The following ANO3 variants were observed in gnomAD, a reference collection of about 807,000 sequenced individuals.
ANO3 encodes the protein anoctamin 3, also known as anoctamin-3.
ANO3 carries 99 observed loss-of-function variants against 144.8 expected under a neutral mutation model. That is an observed-to-expected ratio of 0.68 (90% CI 0.58 to 0.81). ANO3 has a LOEUF of 0.81. Ranked by LOEUF, ANO3 falls within the 30% of genes least tolerant of loss-of-function variation. ANO3 has a pLI of 0.00. For missense variants in ANO3, 905 were observed against 1,202.2 expected (o/e 0.75, Z 3.66); for synonymous variants, 414 against 392.6 (o/e 1.05, Z -0.64).
At chr11:26,274,964 T>G (rs1853525517) in intron 1 of ANO3, among the ~76,000 whole-genome samples, 1 of 151,888 alleles carries the variant, frequency 6.6e-6, no homozygotes, top group South Asian at 2.1e-4. Flanking sequence ...TATATATTAA[T>G]TTTTTATTTA....
intron 1 of ANO3, among the ~76,000 whole-genome samples, chr11:26,397,123 T>C (rs979370015): frequency 1.3e-5 from 2 of 152,052 alleles, no homozygotes; most frequent in Non-Finnish European, 2.9e-5. Flanking sequence ...TTGTCATCAG[T>C]TACACATGAA....
At chr11:26,545,597 C>T (rs1016291556) in intron 11 of ANO3, among the ~76,000 whole-genome samples, 1 of 151,706 alleles carries the variant, frequency 6.6e-6, no homozygotes, top group African/African-American at 2.4e-5. Flanking sequence ...AAAACAATGT[C>T]ACTGAAGGAA....
upstream of ANO3, among the ~76,000 whole-genome samples, chr11:26,308,736 T>A (rs1854440014): frequency 6.6e-6 from 1 of 152,276 alleles, no homozygotes; most frequent in East Asian, 1.9e-4. Context: ...GTTAAGGAAC[T>A]GATTGTCTAA....
chr11:26,442,076 T>C lies in ANO3; in HGVS notation c.205T>C (p.Ser69Pro). The C allele has an allele frequency of 6.2e-7, 1 of 1,614,086 alleles. No individual in the cohort carries two copies. The highest frequency in any genetic ancestry group is 1.1e-5 in the South Asian group (1 of 91,076). Residue 69 changes from serine to proline, a missense_variant, in exon 2 of 27, where the codon TCT becomes CCT. By Grantham distance (74) the Ser-to-Pro change is moderately conservative. This residue lies in a region of ANO3 where 174 missense variants were observed against 171.9 expected (regional missense o/e 1.01). Coordinates refer to ENST00000256737, the MANE Select transcript of ANO3 (RefSeq NM_031418.4). ...CGAGAGTGAATCTCAGGCTCCCACA[T>C]CTATAACCTTAATCTCCACTGACAA... ...STESESQAPTSITLISTDKAE... is the reference protein window; with the variant it reads ...STESESQAPTPITLISTDKAE...
chr11:26,190,943 G>A (rs117244157), intron 1 of ANO3, among the ~76,000 whole-genome samples: 2,759 of 152,100 alleles, frequency 0.018, 40 homozygotes, highest in Middle Eastern at 0.044. Flanking sequence ...TATTGCAGTC[G>A]CATTTATGTG....
intron 1 of ANO3, among the ~76,000 whole-genome samples, chr11:26,366,353 C>T (rs1289735541): frequency 6.6e-6 from 1 of 152,116 alleles, no homozygotes; most frequent in Non-Finnish European, 1.5e-5. Flanking sequence ...CATAGTATTC[C>T]ATGGTGTATA....
intron 1 of ANO3, among the ~76,000 whole-genome samples, chr11:26,435,762 C>A (rs1858272845): frequency 6.6e-6 from 1 of 152,026 alleles, no homozygotes; most frequent in African/African-American, 2.4e-5. Flanking sequence ...CTTTTTTACA[C>A]CAGCTCTTTC....
chr11:26,594,037 A>C (rs1851533652), intron 14 of ANO3, among the ~76,000 whole-genome samples: 1 of 152,164 alleles, frequency 6.6e-6, no homozygotes, highest in Non-Finnish European at 1.5e-5. Context: ...CCTGGCCGTC[A>C]ATAGAGTCAG....
At chr11:26,234,744 A>G (rs1362602564) in intron 1 of ANO3, among the ~76,000 whole-genome samples, 1 of 152,118 alleles carries the variant, frequency 6.6e-6, no homozygotes, top group Non-Finnish European at 1.5e-5. Context: ...TGTTCCTTAT[A>G]TTAATCTGGG....
chr11:26,414,288 C>T (rs907265504), intron 1 of ANO3, among the ~76,000 whole-genome samples: 3 of 152,032 alleles, frequency 2.0e-5, no homozygotes, highest in Non-Finnish European at 2.9e-5. Context: ...GACACATGCA[C>T]ACGTATGTTT....
At chr11:26,305,345 C>T (rs932257980), upstream of ANO3, among the ~76,000 whole-genome samples, 4 of 152,084 alleles carry the variant, frequency 2.6e-5, no homozygotes, top group South Asian at 2.1e-4. Flanking sequence ...CAACTTCTGA[C>T]ATTGGCTGGC....
At chr11:26,531,480 T>A in intron 8 of ANO3, 144 bp downstream of exon 8, 1 of 911,706 alleles carries the variant, frequency 1.1e-6, no homozygotes, top group Non-Finnish European at 1.6e-6. Flanking sequence ...ACTTAACTTA[T>A]AAACAACACT....
At chr11:26,488,344 A>T (rs946656294) in intron 4 of ANO3, among the ~76,000 whole-genome samples, 1 of 152,152 alleles carries the variant, frequency 6.6e-6, no homozygotes, top group Non-Finnish European at 1.5e-5. Flanking sequence ...TAATCCCAAG[A>T]CCATGGGGAA....
chr11:26,640,673 G>A (rs548353705), intron 21 of ANO3, among the ~76,000 whole-genome samples: 1 of 152,136 alleles, frequency 6.6e-6, no homozygotes, highest in East Asian at 1.9e-4. Context: ...TTTCATTATG[G>A]CCTTGCGCTA....
chr11:26,484,438 G>T (rs1040348230), intron 4 of ANO3, among the ~76,000 whole-genome samples: 1 of 152,164 alleles, frequency 6.6e-6, no homozygotes, highest in African/African-American at 2.4e-5. Flanking sequence ...AGTCATGGCA[G>T]CTTCCATGTG....
At chr11:26,212,104 T>G (rs539474366) in intron 1 of ANO3, among the ~76,000 whole-genome samples, 1 of 152,076 alleles carries the variant, frequency 6.6e-6, no homozygotes, top group African/African-American at 2.4e-5. Flanking sequence ...AAATACCTAA[T>G]GTAGGTGACA....
intron 6 of ANO3, among the ~76,000 whole-genome samples, chr11:26,524,844 C>G (rs985422987): frequency 6.6e-6 from 1 of 152,146 alleles, no homozygotes; most frequent in Non-Finnish European, 1.5e-5. Context: ...TATACTCCAG[C>G]TATTACCAAG....
intron 1 of ANO3, among the ~76,000 whole-genome samples, chr11:26,337,610 A>G (rs570093426): frequency 6.6e-6 from 1 of 152,194 alleles, no homozygotes; most frequent in Non-Finnish European, 1.5e-5. Flanking sequence ...TCCAAGAAAA[A>G]TTCAACCTTC....
intron 1 of ANO3, among the ~76,000 whole-genome samples, chr11:26,304,044 A>C (rs951171104): frequency 3.9e-5 from 6 of 152,182 alleles, no homozygotes; most frequent in Non-Finnish European, 4.4e-5. Flanking sequence ...TTGTGATCAA[A>C]TCTTAAGTAA....
Sources: gnomAD v4.1 joint callset for allele counts (sites outside exome capture counted in the v4.1 genomes callset) on GRCh38, gnomAD v4.1.1 for gene constraint, gnomAD v4.1.1 regional missense constraint, MANE v1.5 for transcripts, NCBI Gene and HGNC (gene_info 2026-07-23, HGNC 2026-07-21) for gene names.